PSD3: variants seen among roughly 807,000 people sequenced by gnomAD.
PSD3 encodes PH and SEC7 domain-containing protein 3.
A neutral mutation model predicts 105.5 loss-of-function variants in PSD3; 49 were observed. The observed-to-expected ratio is 0.46, with a 90% CI of 0.37 to 0.59. PSD3 has a LOEUF of 0.59. Among genes scored for constraint, PSD3 ranks in the 20% least tolerant of loss-of-function variants. The pLI is 0.00. For missense variants in PSD3, 1,561 were observed against 1,263.8 expected (o/e 1.24, Z -3.57); for synonymous variants, 557 against 457.8 (o/e 1.22, Z -2.77).
intron 1 of PSD3, among the ~76,000 whole-genome samples, chr8:18,951,155 G>A (rs1823212476): frequency 6.6e-6 from 1 of 152,142 alleles, no homozygotes; most frequent in Non-Finnish European, 1.5e-5. Context: ...AGCACTTTGG[G>A]AGGCCGTGGT....
intron 9 of PSD3, among the ~76,000 whole-genome samples, chr8:18,673,860 A>AG (rs548579179): frequency 6.6e-6 from 1 of 152,100 alleles, no homozygotes; most frequent in Non-Finnish European, 1.5e-5. Flanking sequence ...TAGGGCGGGC[A>AG]GGGGGGCATG....
rs937639752 is a variant in PSD3, at chr8:18,618,879, T to A, written c.2410+13734A>T. 6.6e-5 allele frequency among the ~76,000 whole-genome samples: 10 copies of A among 151,876 alleles called. 1 individual carries two copies. The highest frequency in any genetic ancestry group is 2.6e-4 in the Admixed American group (4 of 15,232). ...ATTCTTTTATTTTGTAGAGATGGGG[T>A]CTTAATATGTTGCTCAGGCTGTGGT... On this transcript the variant is annotated intron_variant, in intron 11 of 15. Coordinates refer to ENST00000327040, the MANE Select transcript of PSD3 (RefSeq NM_015310.4).
intron 6 of PSD3, among the ~76,000 whole-genome samples, chr8:18,803,500 G>A (rs2129447585): frequency 6.6e-6 from 1 of 151,234 alleles, no homozygotes; most frequent in South Asian, 2.1e-4. Context: ...GTCCACTCAT[G>A]TTCACAGCAG....
At position 18,872,598 on chromosome 8, in the gene PSD3, T is replaced by C. The variant is rs199780269; in HGVS notation, c.266A>G (p.Gln89Arg). The C allele has an allele frequency of 6.2e-7, 1 of 1,614,102 alleles. No homozygotes were observed. Among genetic ancestry groups the C allele is most frequent in the Non-Finnish European group, 8.5e-7 (1 of 1,180,010 alleles). Residue 89 changes from glutamine (Q) to arginine (R), a missense_variant, in exon 3 of 16, where the codon CAA (glutamine) becomes CGA (arginine). Transcript: ENST00000327040. ...FDGEALPCHP[Q>R]EQQGVQPLTG... The stretch of plus-strand genomic sequence containing the variant: ...AAGAGGCTGGACACCCTGCTGCTCT[T>C]GTGGGTGGCATGGCAGAGCCTCACC...
chr8:18,688,395 CCTT>C (rs1265310668), intron 9 of PSD3, among the ~76,000 whole-genome samples: 1 of 152,184 alleles, frequency 6.6e-6, no homozygotes, highest in African/African-American at 2.4e-5. Context: ...CTGTGCCTGG[CCTT>C]CTTAATATTT....
intron 10 of PSD3, among the ~76,000 whole-genome samples, chr8:18,647,879 C>T (rs886754629): frequency 2.6e-4 from 39 of 151,866 alleles, no homozygotes; most frequent in African/African-American, 8.9e-4. Context: ...CACCTGCCCC[C>T]TCTCTCTCTT....
At chr8:18,995,283 C>T (rs140434582) in intron 1 of PSD3, among the ~76,000 whole-genome samples, 12 of 152,220 alleles carry the variant, frequency 7.9e-5, no homozygotes, top group African/African-American at 2.9e-4. Flanking sequence ...CTACATAATG[C>T]AAATGAAACT....
At chr8:18,894,740 C>T (rs188846538) in intron 2 of PSD3, among the ~76,000 whole-genome samples, 148 of 152,218 alleles carry the variant, frequency 9.7e-4, no homozygotes, top group South Asian at 6.2e-4. Flanking sequence ...TCTTGACAAT[C>T]GGAACTCCCA....
intron 9 of PSD3, among the ~76,000 whole-genome samples, chr8:18,677,298 G>T (rs893749831): frequency 6.6e-6 from 1 of 152,126 alleles, no homozygotes; most frequent in Non-Finnish European, 1.5e-5. Context: ...ATAAAACCAG[G>T]TCAGCGCAGT....
At chr8:18,871,139 G>T (rs147554384) in intron 3 of PSD3, among the ~76,000 whole-genome samples, 1 of 152,104 alleles carries the variant, frequency 6.6e-6, no homozygotes, top group African/African-American at 2.4e-5. Context: ...AAATTGAGTG[G>T]GCCAAGAACC....
intron 15 of PSD3, among the ~76,000 whole-genome samples, chr8:18,538,286 T>C (rs1329721241): frequency 6.6e-6 from 1 of 152,198 alleles, no homozygotes; most frequent in African/African-American, 2.4e-5. Context: ...AAATACAGAA[T>C]AGCATGCTAA....
intron 9 of PSD3, among the ~76,000 whole-genome samples, chr8:18,698,103 G>C (rs750362667): frequency 3.9e-5 from 6 of 151,992 alleles, no homozygotes; most frequent in Non-Finnish European, 7.4e-5. Flanking sequence ...ATGTATTTTT[G>C]TTTTGTTTTT....
intron 4 of PSD3, among the ~76,000 whole-genome samples, chr8:18,817,372 A>G (rs1178600019): frequency 2.0e-5 from 3 of 152,146 alleles, no homozygotes; most frequent in Non-Finnish European, 2.9e-5. Context: ...GACTCTTATC[A>G]ATCACCTAAT....
At chr8:18,709,673 C>A (rs911613035) in intron 9 of PSD3, among the ~76,000 whole-genome samples, 1 of 152,148 alleles carries the variant, frequency 6.6e-6, no homozygotes, top group African/African-American at 2.4e-5. Context: ...CTGCAGACTC[C>A]CCTGGTGATA....
intron 15 of PSD3, among the ~76,000 whole-genome samples, chr8:18,551,185 A>ATT (rs889291688): frequency 6.6e-6 from 1 of 152,190 alleles, no homozygotes; most frequent in Non-Finnish European, 1.5e-5. Flanking sequence ...TACTATGAAA[A>ATT]TTGCTTCCCC....
In PSD3 at chr8:18,799,355, TA is replaced by T. The variant is rs780570725; in HGVS notation, c.2024-3del. 7 of 1,591,198 alleles carry T rather than the reference TA, an allele frequency of 4.4e-6. No homozygotes were observed. The highest frequency in any genetic ancestry group is 6.0e-6 in the Non-Finnish European group (7 of 1,166,210). On this transcript the variant is annotated splice_polypyrimidine_tract_variant and splice_region_variant and intron_variant, in intron 7 of 15. Transcript: ENST00000327040. The stretch of plus-strand genomic sequence containing the variant: ...CACAGGTAAGGCAATGGACTCCATC[TA>T]AAGAAAGATACAAGAAAAAAAAGCA...
At chr8:18,839,094 G>T (rs1033901054) in intron 4 of PSD3, among the ~76,000 whole-genome samples, 3 of 151,842 alleles carry the variant, frequency 2.0e-5, no homozygotes, top group African/African-American at 7.3e-5. Flanking sequence ...ACTACTTCCT[G>T]CACTGAGCTC....
chr8:18,778,712 A>C (rs1474876676), intron 8 of PSD3, among the ~76,000 whole-genome samples: 1 of 151,872 alleles, frequency 6.6e-6, no homozygotes, highest in Non-Finnish European at 1.5e-5. Flanking sequence ...AAAATATATA[A>C]TTATATTAAA....
chr8:18,599,519 G>A (rs2634460), intron 12 of PSD3, among the ~76,000 whole-genome samples: 121,898 of 152,132 alleles, frequency 0.8, 49,418 homozygotes, highest in South Asian at 0.92. Flanking sequence ...AAGAATATGT[G>A]CTACAGTAGG....
Sources: allele counts gnomAD v4.1 joint callset (sites outside exome capture counted in the v4.1 genomes callset), GRCh38; gene constraint gnomAD v4.1.1; transcripts MANE v1.5; gene names NCBI Gene and HGNC (gene_info 2026-07-23, HGNC 2026-07-21).